DNM3: variants seen among roughly 807,000 people sequenced by gnomAD.
The protein encoded by DNM3 is dynamin-3.
Under a neutral mutation model 101.6 loss-of-function variants are expected in DNM3, and 47 were observed. That is an observed-to-expected ratio of 0.46 (90% CI 0.37 to 0.59). DNM3 has a LOEUF of 0.59. Among genes scored for constraint, DNM3 ranks in the 20% least tolerant of loss-of-function variants. The pLI is 0.00. For synonymous variants in DNM3, 385 were observed against 387.9 expected, an observed-to-expected ratio of 0.99 and a Z score of 0.09; for missense variants, 849 against 1,085.7, an observed-to-expected ratio of 0.78 and a Z score of 3.06.
intron 2 of DNM3, among the ~76,000 whole-genome samples, chr1:171,942,321 A>G (rs866000690): frequency 1.2e-4 from 18 of 151,522 alleles, no homozygotes; most frequent in African/African-American, 4.1e-4. Context: ...TATTCCAAGG[A>G]ACCATATGTT....
At chr1:172,051,735 A>G (rs2050215848) in intron 10 of DNM3, among the ~76,000 whole-genome samples, 1 of 152,036 alleles carries the variant, frequency 6.6e-6, no homozygotes, top group African/African-American at 2.4e-5. Context: ...GCCTCCTGTT[A>G]TTTCCCCTTC....
chr1:171,872,041 T>TGATA (rs1324695204), intron 1 of DNM3, among the ~76,000 whole-genome samples: 1 of 152,124 alleles, frequency 6.6e-6, no homozygotes, highest in Non-Finnish European at 1.5e-5. Context: ...CAGAGCTAGC[T>TGATA]GATAACCCAT....
At chr1:171,977,436 A>G (rs111376137) in intron 2 of DNM3, among the ~76,000 whole-genome samples, 233 of 152,238 alleles carry the variant, frequency 1.5e-3, no homozygotes, top group Middle Eastern at 3.4e-3. Context: ...ACTTGATAGC[A>G]AGGGAAGAGA....
At chr1:172,262,414 C>T (rs2062697436) in intron 15 of DNM3, among the ~76,000 whole-genome samples, 1 of 152,126 alleles carries the variant, frequency 6.6e-6, no homozygotes, top group South Asian at 2.1e-4. Flanking sequence ...TTCATGTGGT[C>T]TCCAGACAGC....
At chr1:172,081,197 A>G (rs2053118073) in intron 11 of DNM3, among the ~76,000 whole-genome samples, 2 of 152,210 alleles carry the variant, frequency 1.3e-5, no homozygotes, top group Admixed American at 6.5e-5. Flanking sequence ...CCTGGGCTCA[A>G]GAGATTCTCT....
intron 13 of DNM3, among the ~76,000 whole-genome samples, chr1:172,111,855 G>A (rs2055508700): frequency 6.6e-6 from 1 of 151,678 alleles, no homozygotes; most frequent in Non-Finnish European, 1.5e-5. Context: ...GCCATTTAAG[G>A]GTTTTGCAAA....
rs751617803 is a variant in DNM3 at position 172,379,042 on chromosome 1, G to A, written c.1918G>A (p.Ala640Thr). 8.7e-6 allele frequency: 14 copies of A among 1,611,972 alleles called. No homozygotes were observed. The South Asian group carries it at 1.5e-4, about 18-fold the overall frequency. The change falls in exon 18 of 21, where the codon GCA becomes ACA. Residue 640 changes from alanine to threonine, a missense_variant. Ala to Thr is a moderately conservative substitution (Grantham distance 58). Transcript: ENST00000627582. ...GGCTGAAAATGATGAGAATGGACAA[G>A]CAGAAAACTTTTCCATGGACCCACA... ...NKAENDENGQ[A>T]ENFSMDPQLE...
intron 14 of DNM3, among the ~76,000 whole-genome samples, chr1:172,160,724 T>TA (rs1356846807): frequency 6.6e-6 from 1 of 152,112 alleles, no homozygotes; most frequent in Non-Finnish European, 1.5e-5. Context: ...AGATGTATAG[T>TA]ATAGTAAATA....
chr1:171,858,491 A>C (rs1250640146), intron 1 of DNM3, among the ~76,000 whole-genome samples: 1 of 152,188 alleles, frequency 6.6e-6, no homozygotes, highest in Non-Finnish European at 1.5e-5. Context: ...GGATTTGAAA[A>C]AAAGGATTAT....
chr1:172,152,490 C>A (rs183954091), intron 14 of DNM3, among the ~76,000 whole-genome samples: 1 of 152,072 alleles, frequency 6.6e-6, no homozygotes, highest in Non-Finnish European at 1.5e-5. Flanking sequence ...TAGTATTGCT[C>A]ACCCTGTGAT....
chr1:171,889,565 A>T (rs1340105032), intron 1 of DNM3, among the ~76,000 whole-genome samples: 2 of 152,164 alleles, frequency 1.3e-5, no homozygotes, highest in Non-Finnish European at 2.9e-5. Flanking sequence ...TCTACTAGCT[A>T]CTCCCTCACT....
intron 1 of DNM3, among the ~76,000 whole-genome samples, chr1:171,900,328 C>A (rs1459648807): frequency 6.6e-6 from 1 of 151,636 alleles, no homozygotes. Flanking sequence ...CGGGTGGTAG[C>A]CATTAGCAGG....
At position 171,841,649 on chromosome 1, in the gene DNM3, C is replaced by A; in HGVS notation, c.-8C>A. ...AGGGACCAGCTGGTCGCCGGCCCCT[C>A]GGGCAAGATGGGGAACCGGGAGATG... On this transcript the variant is annotated 5_prime_UTR_variant, in exon 1 of 21. Coordinates refer to ENST00000627582, the MANE Select transcript of DNM3 (RefSeq NM_015569.5). 1 of 1,608,038 alleles carries A rather than the reference C, an allele frequency of 6.2e-7. No homozygotes were observed. Among genetic ancestry groups the A allele is most frequent in the Non-Finnish European group, 8.5e-7 (1 of 1,177,906 alleles).
At chr1:172,129,161 G>A (rs943247933) in intron 13 of DNM3, among the ~76,000 whole-genome samples, 1 of 152,142 alleles carries the variant, frequency 6.6e-6, no homozygotes, top group Non-Finnish European at 1.5e-5. Context: ...CTGGTAGGGT[G>A]GGTAATGGTC....
intron 1 of DNM3, among the ~76,000 whole-genome samples, chr1:171,855,516 T>G (rs1349313852): frequency 6.6e-6 from 1 of 152,250 alleles, no homozygotes; most frequent in African/African-American, 2.4e-5. Flanking sequence ...GTGTTACCAT[T>G]TCTCCATATC....
At chr1:172,036,729 G>T (rs954023810) in intron 6 of DNM3, among the ~76,000 whole-genome samples, 1 of 152,038 alleles carries the variant, frequency 6.6e-6, no homozygotes, top group Admixed American at 6.6e-5. Context: ...CAGGACATAG[G>T]CATGGGCAAG....
intron 4 of DNM3, among the ~76,000 whole-genome samples, chr1:172,000,607 C>T (rs1399129696): frequency 1.3e-5 from 2 of 152,092 alleles, no homozygotes; most frequent in Admixed American, 1.3e-4. Flanking sequence ...AAGAAAACAA[C>T]CTTGAACTCG....
chr1:172,009,083 T>A (rs1253309481), intron 4 of DNM3, among the ~76,000 whole-genome samples: 2 of 139,134 alleles, frequency 1.4e-5, no homozygotes, highest in African/African-American at 5.3e-5. Context: ...ATATATTATA[T>A]ATCATATATT....
In DNM3 at chr1:171,841,679, A is replaced by G. The variant is rs1313104093; in HGVS notation, c.23A>G (p.Glu8Gly). The change falls in exon 1 of 21, where the codon GAG (glutamate) becomes GGG (glycine). Residue 8 changes from glutamate (E) to glycine (G), a missense_variant. Glu to Gly is a moderately conservative substitution (Grantham distance 98). Coordinates refer to ENST00000627582, the MANE Select transcript of DNM3 (RefSeq NM_015569.5). Reference sequence around the variant, plus strand: ...AAGATGGGGAACCGGGAGATGGAGGAGCTGATCCCGCTGGTGAACCGTCTG... The same window carrying G: ...AAGATGGGGAACCGGGAGATGGAGGGGCTGATCCCGCTGGTGAACCGTCTG... MGNREME[E>G]LIPLVNRLQD... 1.2e-6 allele frequency: 2 copies of G among 1,611,704 alleles called. No individual in the cohort carries two copies. Among genetic ancestry groups the G allele is most frequent in the Non-Finnish European group, 1.7e-6 (2 of 1,179,210 alleles).
Sources: gnomAD v4.1 joint callset for allele counts (sites outside exome capture counted in the v4.1 genomes callset) on GRCh38, gnomAD v4.1.1 for gene constraint, MANE v1.5 for transcripts, NCBI Gene and HGNC (gene_info 2026-07-23, HGNC 2026-07-21) for gene names.